The following PARD3 variants were observed in gnomAD, a reference collection of about 807,000 sequenced individuals.
PARD3 encodes the protein partitioning defective 3 homolog.
PARD3 carries 75 observed loss-of-function variants against 155.4 expected under a neutral mutation model. That is an observed-to-expected ratio of 0.48 (90% CI 0.40 to 0.58). PARD3 has a LOEUF of 0.58. PARD3 is among the 20% of genes least tolerant of loss of function. PARD3 has a pLI of 0.00. For synonymous variants in PARD3, 576 were observed against 610.5 expected (o/e 0.94, Z 0.83); for missense variants, 1,642 against 1,721.7 (o/e 0.95, Z 0.82).
chr10:34,257,622 G>A (rs907181474), intron 22 of PARD3, among the ~76,000 whole-genome samples: 2 of 152,196 alleles, frequency 1.3e-5, no homozygotes, highest in Non-Finnish European at 2.9e-5. Flanking sequence ...TCTGCTGGAG[G>A]ATTATTTGCC....
In PARD3 at chr10:34,371,530, A is replaced by C. The variant is rs556550833; in HGVS notation, c.1707+968T>G. Among the ~76,000 whole-genome samples, 53 of 67,266 alleles carry C rather than the reference A, an allele frequency of 7.9e-4. 3 individuals are homozygous for C. The highest frequency in any genetic ancestry group is 1.8e-3 in the East Asian group (6 of 3,314). The allele number at this position is 67,266 out of a possible 152,430, so 44.1% of individuals were successfully genotyped here. On this transcript the variant is annotated intron_variant, in intron 12 of 24. Coordinates refer to ENST00000374788, the MANE Select transcript of PARD3 (RefSeq NM_001184785.2). ...AAAAAAAAAAAAAAAAAAAAAAAAA[A>C]AACAACGAAGGAATATTTGAAAAAT...
chr10:34,279,767 C>T (rs1465421852), intron 21 of PARD3, among the ~76,000 whole-genome samples: 3 of 152,038 alleles, frequency 2.0e-5, no homozygotes, highest in African/African-American at 7.2e-5. Context: ...GAGTATCCCA[C>T]TGAAGGACAC....
At chr10:34,266,919 G>A (rs941390456) in intron 22 of PARD3, among the ~76,000 whole-genome samples, 6 of 152,068 alleles carry the variant, frequency 3.9e-5, no homozygotes, top group African/African-American at 1.2e-4. Flanking sequence ...ATTTAAACTG[G>A]GGTTTAAAGC....
At chr10:34,609,251 AAATT>A (rs1411474878) in intron 2 of PARD3, among the ~76,000 whole-genome samples, 2 of 152,240 alleles carry the variant, frequency 1.3e-5, no homozygotes, top group African/African-American at 2.4e-5. Flanking sequence ...TATGAGTCTA[AAATT>A]AATTAATATT....
chr10:34,795,924 T>TA (rs1479922470), intron 1 of PARD3, among the ~76,000 whole-genome samples: 4 of 143,182 alleles, frequency 2.8e-5, no homozygotes, highest in East Asian at 2.1e-4. Flanking sequence ...ATAACATAAA[T>TA]AAAAAAATTA....
chr10:34,524,844 C>A (rs2082370083), intron 2 of PARD3, among the ~76,000 whole-genome samples: 1 of 152,208 alleles, frequency 6.6e-6, no homozygotes. Flanking sequence ...ATCATGAACA[C>A]ATGCAGTGTT....
chr10:34,547,320 C>A (rs1355142073), intron 2 of PARD3, among the ~76,000 whole-genome samples: 1 of 152,234 alleles, frequency 6.6e-6, no homozygotes, highest in Non-Finnish European at 1.5e-5. Context: ...TTCAAAATCA[C>A]ATGCATAGCA....
intron 2 of PARD3, among the ~76,000 whole-genome samples, chr10:34,622,263 T>G (rs2132720435): frequency 6.6e-6 from 1 of 152,304 alleles, no homozygotes; most frequent in East Asian, 1.9e-4. Context: ...AGAAACGAAT[T>G]TGTTCAGATT....
intron 1 of PARD3, among the ~76,000 whole-genome samples, chr10:34,795,515 G>A (rs996153257): frequency 1.3e-5 from 2 of 152,040 alleles, no homozygotes; most frequent in Admixed American, 6.6e-5. Flanking sequence ...GAGGCTGAGA[G>A]GTGGGAGAAT....
intron 22 of PARD3, among the ~76,000 whole-genome samples, chr10:34,237,778 A>G (rs899011535): frequency 6.6e-6 from 1 of 152,192 alleles, no homozygotes; most frequent in Non-Finnish European, 1.5e-5. Context: ...TGTACGTAGG[A>G]TTGGGAATTA....
chr10:34,511,540 A>T (rs756976915), intron 3 of PARD3, among the ~76,000 whole-genome samples: 24 of 152,140 alleles, frequency 1.6e-4, no homozygotes, highest in Non-Finnish European at 3.1e-4. Flanking sequence ...TGAATGCAGC[A>T]TCCTCACATG....
chr10:34,349,196 A>G lies in PARD3; in HGVS notation c.2068-1081T>C, dbSNP rs1837741352. ...AAACCACAACTGTCGCACTTCCTTCAGCTGAACAAATTATTATTTCCGTTA... is the reference window on the plus strand; with the variant it reads ...AAACCACAACTGTCGCACTTCCTTCGGCTGAACAAATTATTATTTCCGTTA... On this transcript the variant is annotated intron_variant, in intron 14 of 24. Coordinates refer to ENST00000374788, the MANE Select transcript of PARD3 (RefSeq NM_001184785.2). Among the ~76,000 whole-genome samples, 6 of 152,200 alleles carry G rather than the reference A, an allele frequency of 3.9e-5. No individual in the cohort carries two copies. In the South Asian group the frequency reaches 1.2e-3, roughly 32 times the overall value.
At chr10:34,614,597 T>C (rs1177194930) in intron 2 of PARD3, among the ~76,000 whole-genome samples, 1 of 152,226 alleles carries the variant, frequency 6.6e-6, no homozygotes, top group African/African-American at 2.4e-5. Flanking sequence ...AATGTCTACA[T>C]ATATTTAAAA....
At chr10:34,398,458 G>GA (rs541439587) in intron 7 of PARD3, among the ~76,000 whole-genome samples, 3 of 150,840 alleles carry the variant, frequency 2.0e-5, no homozygotes, top group Middle Eastern at 3.4e-3. Context: ...AAAATAAAAA[G>GA]AAAAAAAATA....
At chr10:34,306,440 A>C (rs575604405) in intron 20 of PARD3, among the ~76,000 whole-genome samples, 6 of 152,108 alleles carry the variant, frequency 3.9e-5, no homozygotes, top group Non-Finnish European at 8.8e-5. Flanking sequence ...TCACAAGGTC[A>C]GGAGTTTGAG....
intron 1 of PARD3, among the ~76,000 whole-genome samples, chr10:34,790,925 T>A (rs1194509418): frequency 6.6e-6 from 1 of 152,122 alleles, no homozygotes; most frequent in Non-Finnish European, 1.5e-5. Flanking sequence ...CATCCCAGCC[T>A]CCTACACGCA....
At chr10:34,442,473 C>T (rs184803604) in intron 5 of PARD3, among the ~76,000 whole-genome samples, 3 of 152,266 alleles carry the variant, frequency 2.0e-5, no homozygotes, top group South Asian at 2.1e-4. Flanking sequence ...AGGGGAGCCC[C>T]GGTGGCTCAG....
At chr10:34,336,304 C>A in intron 17 of PARD3, 61 bp from the exon 18 acceptor site, 1 of 1,240,844 alleles carries the variant, frequency 8.1e-7, no homozygotes, top group Non-Finnish European at 1.2e-6. Context: ...ACCATGCTTC[C>A]ACCATTCCCA....
intron 1 of PARD3, among the ~76,000 whole-genome samples, chr10:34,711,395 T>C (rs929899071): frequency 6.6e-6 from 1 of 151,930 alleles, no homozygotes; most frequent in African/African-American, 2.4e-5. Flanking sequence ...GTGATGGGCA[T>C]CTGTAATCCC....
Sources: allele counts gnomAD v4.1 joint callset (sites outside exome capture counted in the v4.1 genomes callset), GRCh38; gene constraint gnomAD v4.1.1; transcripts MANE v1.5; gene names NCBI Gene and HGNC (gene_info 2026-07-23, HGNC 2026-07-21).